ITGA9: variants seen among roughly 807,000 people sequenced by gnomAD.
ITGA9 encodes integrin subunit alpha 9.
A neutral mutation model predicts 127.8 loss-of-function variants in ITGA9; 56 were observed. The ratio of observed to expected loss-of-function variants is 0.44; its 90% CI spans 0.35 to 0.55. ITGA9 has a LOEUF of 0.55. Among genes scored for constraint, ITGA9 ranks in the 20% least tolerant of loss-of-function variants. The pLI, the probability that ITGA9 is intolerant of heterozygous loss-of-function variation, is 0.00. For missense variants in ITGA9, 1,196 were observed against 1,347.1 expected, an observed-to-expected ratio of 0.89 and a Z score of 1.76; for synonymous variants, 508 against 514.5, an observed-to-expected ratio of 0.99 and a Z score of 0.17.
At chr3:37,655,154 T>G (rs1004846487) in intron 17 of ITGA9, among the ~76,000 whole-genome samples, 2 of 152,182 alleles carry the variant, frequency 1.3e-5, no homozygotes, top group Non-Finnish European at 2.9e-5. Context: ...AATAAACATA[T>G]GTGTGCATGT....
At position 37,734,893 on chromosome 3, in the gene ITGA9, A is replaced by T. The variant is rs117826453; in HGVS notation, c.2155-2011A>T. Reference sequence around the variant, plus strand: ...TTTCCTCCCACATACAGATGCTGGGACCTGAAGCAAGACTGACTAAACCTG... The same window carrying T: ...TTTCCTCCCACATACAGATGCTGGGTCCTGAAGCAAGACTGACTAAACCTG... On this transcript the variant is annotated intron_variant, in intron 19 of 27. Coordinates refer to ENST00000264741, the MANE Select transcript of ITGA9 (RefSeq NM_002207.3). Among the ~76,000 whole-genome samples, 83 of 152,332 alleles carry T rather than the reference A, an allele frequency of 5.4e-4. 1 individual carries two copies. In the East Asian group the frequency reaches 0.014, roughly 26 times the overall value.
At chr3:37,618,837 C>T (rs1002502564) in intron 15 of ITGA9, among the ~76,000 whole-genome samples, 2 of 152,124 alleles carry the variant, frequency 1.3e-5, no homozygotes, top group African/African-American at 4.8e-5. Flanking sequence ...TAGGAGTGAC[C>T]CGATTTTCCA....
At position 37,616,770 on chromosome 3, in the gene ITGA9, G is replaced by C. The variant is rs942900752; in HGVS notation, c.1690-12417G>C. Among the ~76,000 whole-genome samples the C allele has an allele frequency of 6.8e-4, 104 of 152,272 alleles. 1 individual carries two copies. The highest frequency in any genetic ancestry group is 2.5e-3 in the African/African-American group (102 of 41,554). Reference sequence around the variant, plus strand: ...TGTTGGTTTAAAGTCTGTTTTATCAGAGACTAGGATTGCAACCCCTGCCAT... The same window carrying C: ...TGTTGGTTTAAAGTCTGTTTTATCACAGACTAGGATTGCAACCCCTGCCAT... On this transcript the variant is annotated intron_variant, in intron 15 of 27. Transcript: ENST00000264741.
chr3:37,511,499 T>C (rs1405832876), intron 8 of ITGA9, among the ~76,000 whole-genome samples: 1 of 152,242 alleles, frequency 6.6e-6, no homozygotes, highest in Admixed American at 6.5e-5. Context: ...AATAGTCCTT[T>C]GGAATGAAAC....
chr3:37,776,314 A>G (rs1009112345), intron 23 of ITGA9, among the ~76,000 whole-genome samples: 18 of 152,198 alleles, frequency 1.2e-4, no homozygotes, highest in African/African-American at 4.3e-4. Context: ...ACACCTGCAC[A>G]TGTACTCCCA....
chr3:37,755,906 G>T (rs983911198), intron 23 of ITGA9, among the ~76,000 whole-genome samples: 12 of 150,952 alleles, frequency 7.9e-5, no homozygotes, highest in Non-Finnish European at 3.0e-5. Flanking sequence ...AACAATGTAG[G>T]ACATCCAAAC....
chr3:37,576,660 G>A (rs752922494), intron 15 of ITGA9, among the ~76,000 whole-genome samples: 1 of 152,210 alleles, frequency 6.6e-6, no homozygotes, highest in African/African-American at 2.4e-5. Context: ...AGGCTGGAAT[G>A]CAGTGGTGCA....
intron 26 of ITGA9, among the ~76,000 whole-genome samples, chr3:37,794,023 C>G (rs1697143916): frequency 6.6e-6 from 1 of 152,222 alleles, no homozygotes; most frequent in Admixed American, 6.5e-5. Flanking sequence ...GTTCTGCACT[C>G]AGAGCTTGGG....
chr3:37,633,546 G>T (rs528664475), intron 16 of ITGA9, among the ~76,000 whole-genome samples: 2 of 152,206 alleles, frequency 1.3e-5, no homozygotes, highest in South Asian at 4.1e-4. Flanking sequence ...AAACAAAATG[G>T]TTGTATGGGT....
At chr3:37,760,023 C>A (rs1696704737) in intron 23 of ITGA9, among the ~76,000 whole-genome samples, 1 of 151,920 alleles carries the variant, frequency 6.6e-6, no homozygotes, top group Admixed American at 6.6e-5. Context: ...AGTTCAAGAC[C>A]AGCCTGGCCA....
chr3:37,555,571 C>T (rs1699422804), intron 15 of ITGA9, among the ~76,000 whole-genome samples: 1 of 152,242 alleles, frequency 6.6e-6, no homozygotes, highest in African/African-American at 2.4e-5. Flanking sequence ...ACAGACAACT[C>T]ACAGCTCCTG....
chr3:37,691,028 T>TC (rs527450523), intron 18 of ITGA9, among the ~76,000 whole-genome samples: 279 of 152,322 alleles, frequency 1.8e-3, no homozygotes, highest in Middle Eastern at 3.4e-3. Context: ...AATTGAGGTC[T>TC]CCTGGGGCTA....
At chr3:37,786,500 G>A (rs1697042293) in intron 26 of ITGA9, among the ~76,000 whole-genome samples, 1 of 152,130 alleles carries the variant, frequency 6.6e-6, no homozygotes, top group Non-Finnish European at 1.5e-5. Flanking sequence ...AACTGAGGCA[G>A]GAGAATCACT....
rs116796347 is a variant in ITGA9 at position 37,471,105 on chromosome 3, G to A, written c.284G>A (p.Arg95Gln). 430 of 1,614,044 alleles carry A rather than the reference G, an allele frequency of 2.7e-4. 2 individuals are homozygous for A. The African/African-American group carries it at 3.4e-3, about 13-fold the overall frequency. Residue 95 changes from arginine to glutamine, a missense_variant, in exon 2 of 28, where the codon CGG becomes CAG. Coordinates refer to ENST00000264741, the MANE Select transcript of ITGA9 (RefSeq NM_002207.3). ...TGCCGTGTTCACACCAACCCTGACCGGAGATGCACCGAACTGGACATGGCT... is the reference window on the plus strand; with the variant it reads ...TGCCGTGTTCACACCAACCCTGACCAGAGATGCACCGAACTGGACATGGCT... The part of the protein sequence containing the change: ...FKCRVHTNPD[R>Q]RCTELDMARG...
At chr3:37,790,226 C>A in intron 26 of ITGA9, 1 of 557,030 alleles carries the variant, frequency 1.8e-6, no homozygotes, top group South Asian at 1.4e-5. Flanking sequence ...GACACAAGAT[C>A]TTTGGAATCA....
At chr3:37,779,863 C>A in intron 24 of ITGA9, 39 bp from the exon 25 acceptor site, 1 of 1,610,608 alleles carries the variant, frequency 6.2e-7, no homozygotes. Flanking sequence ...TGTCTTTGTT[C>A]TTAATTCCAT....
chr3:37,534,477 C>T (rs1699189287), intron 14 of ITGA9, among the ~76,000 whole-genome samples: 1 of 152,208 alleles, frequency 6.6e-6, no homozygotes, highest in Admixed American at 6.5e-5. Flanking sequence ...AGAAGCACTG[C>T]TGTGGAGCAC....
rs750293130 is a variant in ITGA9 at position 37,533,376 on chromosome 3, C to A, written c.1436C>A (p.Ala479Glu). ...IFLPGSINIT[A>E]PQCHDGQQPV... Reference sequence around the variant, plus strand: ...CTCCCGGGCTCCATCAACATCACAGCGCCTCAGTGTCACGACGGACAGCAG... The same window carrying A: ...CTCCCGGGCTCCATCAACATCACAGAGCCTCAGTGTCACGACGGACAGCAG... The change falls in exon 14 of 28, where the codon GCG (alanine) becomes GAG (glutamate). Residue 479 changes from alanine to glutamate, a missense_variant. Transcript: ENST00000264741. 1.9e-6 allele frequency: 3 copies of A among 1,614,094 alleles called. No individual in the cohort carries two copies. The highest frequency in any genetic ancestry group is 1.1e-5 in the South Asian group (1 of 91,072).
rs1559553513 is a variant in ITGA9 at position 37,629,465 on chromosome 3, C to G, written c.1839+129C>G. ...ACCGCAGCCAGGACACACCTCCTCTCTGGGTCTCCCTTTTCTGATCTGCAA... is the reference window on the plus strand; with the variant it reads ...ACCGCAGCCAGGACACACCTCCTCTGTGGGTCTCCCTTTTCTGATCTGCAA... On this transcript the variant is annotated intron_variant, in intron 16 of 27. Coordinates refer to ENST00000264741, the MANE Select transcript of ITGA9 (RefSeq NM_002207.3). This position sits in a 1 kb window ranked among gnomAD's most constrained non-coding sequence, Gnocchi z 4.5. 7 of 932,874 alleles carry G rather than the reference C, an allele frequency of 7.5e-6. No individual in the cohort carries two copies. The highest frequency in any genetic ancestry group is 1.0e-5 in the Non-Finnish European group (6 of 590,948). 57.8% of individuals were successfully genotyped at this position (932,874 alleles called of 1,614,324 possible).
Sources: gnomAD v4.1 joint callset for allele counts (sites outside exome capture counted in the v4.1 genomes callset) on GRCh38, gnomAD v4.1.1 for gene constraint, Gnocchi (gnomAD v3.1) non-coding constraint, MANE v1.5 for transcripts, NCBI Gene and HGNC (gene_info 2026-07-23, HGNC 2026-07-21) for gene names.